Variants in PITPNC1 observed in about 807,000 individuals in gnomAD.
PITPNC1 encodes the protein phosphatidylinositol transfer protein cytoplasmic 1.
A neutral mutation model predicts 44.7 loss-of-function variants in PITPNC1; 18 were observed. The observed-to-expected ratio is 0.40, with a 90% CI of 0.28 to 0.60. PITPNC1 has a LOEUF of 0.60. Ranked by LOEUF, PITPNC1 falls within the 20% of genes least tolerant of loss-of-function variation. The pLI is 0.39. For missense variants in PITPNC1, 290 were observed against 418.4 expected, an observed-to-expected ratio of 0.69 and a Z score of 2.68; for synonymous variants, 141 against 149.6, an observed-to-expected ratio of 0.94 and a Z score of 0.42.
chr17:67,579,971 A>C (rs2041208072), intron 5 of PITPNC1, among the ~76,000 whole-genome samples: 1 of 152,204 alleles, frequency 6.6e-6, no homozygotes, highest in Non-Finnish European at 1.5e-5. Context: ...TGGCTATTCA[A>C]ACTTGGAGAA....
chr17:67,485,022 C>T (rs146716079), intron 1 of PITPNC1, among the ~76,000 whole-genome samples: 100 of 152,238 alleles, frequency 6.6e-4, no homozygotes, highest in African/African-American at 2.1e-3. Flanking sequence ...TTATGACTAG[C>T]GTTTCCATCT....
At chr17:67,464,256 CT>C (rs1555653911) in intron 1 of PITPNC1, among the ~76,000 whole-genome samples, 20 of 151,864 alleles carry the variant, frequency 1.3e-4, no homozygotes, top group Non-Finnish European at 2.5e-4. Context: ...TATAGACTGC[CT>C]TATGTTCATT....
intron 1 of PITPNC1, among the ~76,000 whole-genome samples, chr17:67,440,494 G>A (rs972156778): frequency 1.4e-5 from 2 of 146,074 alleles, no homozygotes; most frequent in African/African-American, 2.5e-5. Context: ...TCTCTTGCAA[G>A]ACTTTTTATT....
chr17:67,424,252 C>T (rs781780778), intron 1 of PITPNC1, among the ~76,000 whole-genome samples: 1 of 152,068 alleles, frequency 6.6e-6, no homozygotes, highest in African/African-American at 2.4e-5. Flanking sequence ...TGGGACTTCT[C>T]TTCCAGCAAG....
At chr17:67,451,560 C>G (rs2039175580) in intron 1 of PITPNC1, among the ~76,000 whole-genome samples, 1 of 152,012 alleles carries the variant, frequency 6.6e-6, no homozygotes, top group South Asian at 2.1e-4. Context: ...TGATTTACGT[C>G]TCTATAGTTT....
chr17:67,633,522 G>A (rs1231374286), intron 6 of PITPNC1, among the ~76,000 whole-genome samples: 2 of 152,210 alleles, frequency 1.3e-5, no homozygotes, highest in Non-Finnish European at 2.9e-5. Flanking sequence ...GGATCACTCT[G>A]TGTTGCTCAT....
At chr17:67,657,515 G>A (rs1366704888) in intron 6 of PITPNC1, among the ~76,000 whole-genome samples, 1 of 150,614 alleles carries the variant, frequency 6.6e-6, no homozygotes, top group Non-Finnish European at 1.5e-5. Flanking sequence ...GGGTAGGCTG[G>A]GATTCTAGTC....
chr17:67,434,807 A>AATT (rs111915722), intron 1 of PITPNC1, among the ~76,000 whole-genome samples: 114,788 of 148,350 alleles, frequency 0.77, 44,680 homozygotes, highest in Middle Eastern at 0.82. Flanking sequence ...CAAAAAAAAA[A>AATT]AAAAAATAAA....
intron 1 of PITPNC1, among the ~76,000 whole-genome samples, chr17:67,462,225 CTTTTTTTTT>C (rs549707875): frequency 1.1e-4 from 8 of 71,256 alleles, no homozygotes; most frequent in East Asian, 3.7e-4. Flanking sequence ...TTCTTTCTTT[CTTTTTTTTT>C]TTTTTTTTTT....
chr17:67,446,520 G>GT (rs11301995), intron 1 of PITPNC1, among the ~76,000 whole-genome samples: 111 of 145,056 alleles, frequency 7.7e-4, no homozygotes, highest in African/African-American at 9.7e-4. Context: ...CCTCATTAAG[G>GT]TTTTTTTTTT....
At chr17:67,379,989 A>G (rs1702902123) in intron 1 of PITPNC1, among the ~76,000 whole-genome samples, 1 of 151,818 alleles carries the variant, frequency 6.6e-6, no homozygotes, top group Non-Finnish European at 1.5e-5. Flanking sequence ...GTACCGAAAT[A>G]CCCACAGGTA....
rs74900312 is a variant in PITPNC1 at position 67,597,193 on chromosome 17, C to A, written c.366+18936C>A. ...ATAGGCATGAGCCACCATGCCTGGCCCCAAATAATTTATATAAGCCATTTA... is the reference window on the plus strand; with the variant it reads ...ATAGGCATGAGCCACCATGCCTGGCACCAAATAATTTATATAAGCCATTTA... On this transcript the variant is annotated intron_variant, in intron 5 of 8. Transcript: ENST00000581322. The surrounding 1 kb of genome is among the most constrained non-coding windows in gnomAD (Gnocchi z 4.0). Among the ~76,000 whole-genome samples, 3,057 of 152,144 alleles carry A rather than the reference C, an allele frequency of 0.02. 90 individuals carry two copies. Among genetic ancestry groups the A allele is most frequent in the Admixed American group, 0.08 (1,221 of 15,290 alleles).
At chr17:67,562,167 C>G (rs1359026224) in intron 4 of PITPNC1, among the ~76,000 whole-genome samples, 2 of 152,218 alleles carry the variant, frequency 1.3e-5, no homozygotes, top group Non-Finnish European at 2.9e-5. Flanking sequence ...TCTGGCCTTG[C>G]TTTCCTAGTG....
chr17:67,647,524 C>G (rs1199399109), intron 6 of PITPNC1, among the ~76,000 whole-genome samples: 1 of 103,770 alleles, frequency 9.6e-6, no homozygotes, highest in Non-Finnish European at 1.8e-5. Context: ...TGTTAGGTTT[C>G]CCAGGCTGGT....
chr17:67,632,756 T>C (rs979169986), intron 6 of PITPNC1, among the ~76,000 whole-genome samples: 16 of 151,902 alleles, frequency 1.1e-4, no homozygotes, highest in African/African-American at 3.9e-4. Flanking sequence ...TTAGTAGAGA[T>C]GGGGTTTCAC....
In PITPNC1 at chr17:67,464,584, A is replaced by G. The variant is rs145114753; in HGVS notation, c.49-68218A>G. ...GAACTCACCCCGTAAAAATCTTTCA[A>G]CACTGTCCTGAGTTCAACATCTGAA... On this transcript the variant is annotated intron_variant, in intron 1 of 8. Transcript: ENST00000581322. Among the ~76,000 whole-genome samples, 649 of 152,324 alleles carry G rather than the reference A, an allele frequency of 4.3e-3. 10 individuals carry two copies. Among genetic ancestry groups the G allele is most frequent in the African/African-American group, 0.015 (630 of 41,568 alleles).
intron 1 of PITPNC1, among the ~76,000 whole-genome samples, chr17:67,390,930 C>T (rs188897109): frequency 3.3e-5 from 5 of 152,312 alleles, no homozygotes; most frequent in African/African-American, 1.2e-4. Context: ...CTAATTCTTT[C>T]ATTTCCCAGC....
At chr17:67,552,464 C>A in intron 3 of PITPNC1, 119 bp downstream of exon 3, 1 of 653,098 alleles carries the variant, frequency 1.5e-6, no homozygotes. Context: ...CCGTAGTATC[C>A]CTCTTTTTTT....
intron 6 of PITPNC1, among the ~76,000 whole-genome samples, chr17:67,645,615 G>C (rs893630668): frequency 6.6e-6 from 1 of 152,142 alleles, no homozygotes; most frequent in Admixed American, 6.6e-5. Flanking sequence ...ATGTAAGCCT[G>C]TAAGCCTGCC....
Sources: gnomAD v4.1 joint callset for allele counts (sites outside exome capture counted in the v4.1 genomes callset) on GRCh38, gnomAD v4.1.1 for gene constraint, Gnocchi (gnomAD v3.1) non-coding constraint, MANE v1.5 for transcripts, NCBI Gene and HGNC (gene_info 2026-07-23, HGNC 2026-07-21) for gene names.